The following MCTP1 variants were observed in gnomAD, a reference collection of about 807,000 sequenced individuals.
MCTP1 encodes the protein multiple C2 and transmembrane domain-containing protein 1.
In MCTP1, 69 loss-of-function variants were observed where a neutral mutation model predicts 120.6. The ratio of observed to expected loss-of-function variants is 0.57; its 90% CI spans 0.47 to 0.70. The LOEUF is 0.70. MCTP1 is among the 30% of genes least tolerant of loss of function. The probability of loss-of-function intolerance (pLI) is 0.00; values close to 1 mark genes in which losing one functional copy is unlikely to be tolerated. For missense variants in MCTP1, 1,203 were observed against 1,248.8 expected, an observed-to-expected ratio of 0.96 and a Z score of 0.55; for synonymous variants, 529 against 493.1, an observed-to-expected ratio of 1.07 and a Z score of -0.96.
In MCTP1 at chr5:94,894,796, C is replaced by A; in HGVS notation, c.1692G>T (p.Thr564=). 5.6e-6 allele frequency: 9 copies of A among 1,610,548 alleles called. No homozygotes were observed. Among genetic ancestry groups the A allele is most frequent in the Admixed American group, 1.7e-5 (1 of 59,914 alleles). ...CTTCCAGCTGCAACTCCAGCTTGTG[C>A]GTCTGTTCCCTACTGAGGGCTGACA... ...VDLSALSREQ[T]HKLELQLEEG... The change falls in exon 11 of 23, where the codon ACG becomes ACT. Residue 564 remains threonine (T), a synonymous_variant. Transcript: ENST00000515393.
At chr5:94,768,527 ACAACT>A (rs1212914317) in intron 19 of MCTP1, among the ~76,000 whole-genome samples, 1 of 152,124 alleles carries the variant, frequency 6.6e-6, no homozygotes. Context: ...AAGAACTCAA[ACAACT>A]CAACTAAAAA....
chr5:95,075,296 C>T (rs937871581), intron 1 of MCTP1, among the ~76,000 whole-genome samples: 1 of 152,210 alleles, frequency 6.6e-6, no homozygotes, highest in African/African-American at 2.4e-5. Context: ...GCTTAAAAGT[C>T]ACTTTCTCAC....
intron 7 of MCTP1, among the ~76,000 whole-genome samples, chr5:94,922,156 G>A (rs562335401): frequency 2.6e-5 from 4 of 152,270 alleles, no homozygotes; most frequent in African/African-American, 4.8e-5. Flanking sequence ...CCATCACACC[G>A]TGGATACAAG....
intron 17 of MCTP1, among the ~76,000 whole-genome samples, chr5:94,846,792 C>T (rs982540199): frequency 3.4e-5 from 5 of 149,032 alleles, no homozygotes; most frequent in Non-Finnish European, 7.4e-5. Flanking sequence ...TGTGTGTCTC[C>T]GTACATGTGT....
At chr5:94,724,686 G>A (rs1761729316) in intron 19 of MCTP1, among the ~76,000 whole-genome samples, 1 of 152,132 alleles carries the variant, frequency 6.6e-6, no homozygotes, top group Non-Finnish European at 1.5e-5. Flanking sequence ...TCCATGGGAG[G>A]TTCTGGAATA....
At chr5:94,707,602 G>A (rs1021483406) in intron 22 of MCTP1, 35 bp from the exon 23 acceptor site, 13 of 1,531,568 alleles carry the variant, frequency 8.5e-6, no homozygotes, top group South Asian at 1.1e-5. Context: ...GACTGGTCAG[G>A]TGGCCACTTT....
chr5:95,165,258 A>T (rs1240255962), intron 1 of MCTP1, among the ~76,000 whole-genome samples: 1 of 152,248 alleles, frequency 6.6e-6, no homozygotes, highest in Non-Finnish European at 1.5e-5. Context: ...TTGTATTAGG[A>T]TGGAGCAAAA....
intron 1 of MCTP1, among the ~76,000 whole-genome samples, chr5:95,108,667 T>G (rs1757260992): frequency 6.6e-6 from 1 of 152,242 alleles, no homozygotes; most frequent in South Asian, 2.1e-4. Flanking sequence ...TAAGTCACCC[T>G]TAGCTAGACA....
At chr5:94,781,568 C>T (rs1410062439) in intron 18 of MCTP1, among the ~76,000 whole-genome samples, 1 of 152,110 alleles carries the variant, frequency 6.6e-6, no homozygotes, top group African/African-American at 2.4e-5. Context: ...GGGAATAGAA[C>T]CCATGAATAT....
At chr5:95,163,127 T>A (rs1217179022) in intron 1 of MCTP1, among the ~76,000 whole-genome samples, 1 of 152,176 alleles carries the variant, frequency 6.6e-6, no homozygotes, top group East Asian at 1.9e-4. Context: ...ATACCCAAAC[T>A]ATCTTACCTT....
intron 1 of MCTP1, among the ~76,000 whole-genome samples, chr5:95,155,152 C>G (rs1744966797): frequency 6.6e-6 from 1 of 152,098 alleles, no homozygotes; most frequent in African/African-American, 2.4e-5. Context: ...GAGCTCTACT[C>G]AGATCATGCA....
chr5:95,074,446 T>C (rs940153761), intron 1 of MCTP1, among the ~76,000 whole-genome samples: 3 of 152,254 alleles, frequency 2.0e-5, no homozygotes, highest in African/African-American at 7.2e-5. Context: ...TTATAGAGTA[T>C]TGTTTAGTAA....
At chr5:94,726,295 T>C (rs1561533954) in intron 19 of MCTP1, among the ~76,000 whole-genome samples, 2 of 152,360 alleles carry the variant, frequency 1.3e-5, no homozygotes, top group East Asian at 1.9e-4. Context: ...GGAAGTTGTA[T>C]GTCCTCTGAA....
intron 1 of MCTP1, among the ~76,000 whole-genome samples, chr5:95,181,666 C>G (rs2152515543): frequency 6.6e-6 from 1 of 152,200 alleles, no homozygotes; most frequent in Middle Eastern, 3.4e-3. Context: ...GGTTCAGTTA[C>G]AACATTTTAA....
intron 1 of MCTP1, among the ~76,000 whole-genome samples, chr5:95,078,676 GA>G (rs1315908758): frequency 2.0e-5 from 3 of 152,124 alleles, no homozygotes; most frequent in Non-Finnish European, 4.4e-5. Flanking sequence ...AAGACCAAAG[GA>G]TTCTAACAGA....
At chr5:94,944,765 T>G (rs1384255253) in intron 3 of MCTP1, among the ~76,000 whole-genome samples, 1 of 152,182 alleles carries the variant, frequency 6.6e-6, no homozygotes, top group Non-Finnish European at 1.5e-5. Flanking sequence ...CTAGAATCCA[T>G]GCATTAATGA....
chr5:95,111,812 T>C (rs1757475853), intron 1 of MCTP1, among the ~76,000 whole-genome samples: 1 of 152,222 alleles, frequency 6.6e-6, no homozygotes, highest in African/African-American at 2.4e-5. Flanking sequence ...TTTGTAGGAA[T>C]ATTTTCTTCA....
At chr5:94,962,171 A>G (rs1017105500) in intron 2 of MCTP1, among the ~76,000 whole-genome samples, 2 of 152,140 alleles carry the variant, frequency 1.3e-5, no homozygotes, top group Non-Finnish European at 2.9e-5. Context: ...TGGGGTAGAA[A>G]GGGAATGCTC....
At position 94,796,552 on chromosome 5, in the gene MCTP1, T is replaced by C. The variant is rs182768449; in HGVS notation, c.2556+2461A>G. Among the ~76,000 whole-genome samples the C allele has an allele frequency of 7.8e-3, 1,048 of 133,750 alleles. 7 individuals are homozygous for C. The highest frequency in any genetic ancestry group is 0.029 in the Middle Eastern group (8 of 272). 87.7% of individuals were successfully genotyped at this position (133,750 alleles called of 152,430 possible). On this transcript the variant is annotated intron_variant, in intron 18 of 22. Transcript: ENST00000515393. The stretch of plus-strand genomic sequence containing the variant: ...TACAAACACTTTCCCTAAATTCGTA[T>C]ATATGTGTGTGTGTGTGTGTATCCA...
Sources: allele counts gnomAD v4.1 joint callset (sites outside exome capture counted in the v4.1 genomes callset), GRCh38; gene constraint gnomAD v4.1.1; transcripts MANE v1.5; gene names NCBI Gene and HGNC (gene_info 2026-07-23, HGNC 2026-07-21).